The following PALLD variants were observed in gnomAD, a reference collection of about 807,000 sequenced individuals.
The protein encoded by PALLD is palladin.
PALLD carries 61 observed loss-of-function variants against 123.5 expected under a neutral mutation model. The ratio of observed to expected loss-of-function variants is 0.49; its 90% CI spans 0.40 to 0.61. PALLD has a LOEUF of 0.61. Ranked by LOEUF, PALLD falls within the 20% of genes least tolerant of loss-of-function variation. The pLI, the probability that PALLD is intolerant of heterozygous loss-of-function variation, is 0.00. For synonymous variants in PALLD, 465 were observed against 496.4 expected (o/e 0.94, Z 0.84); for missense variants, 1,273 against 1,377.0 (o/e 0.92, Z 1.20).
At chr4:168,861,262 T>C (rs1749416472) in intron 10 of PALLD, among the ~76,000 whole-genome samples, 1 of 137,764 alleles carries the variant, frequency 7.3e-6, no homozygotes, top group Non-Finnish European at 1.5e-5. Flanking sequence ...ATCGAATAAA[T>C]CTATTGAATA....
chr4:168,663,874 C>G (rs1356651101), intron 2 of PALLD, among the ~76,000 whole-genome samples: 1 of 152,126 alleles, frequency 6.6e-6, no homozygotes. Context: ...CAATTTTTAA[C>G]TTTTAAAATT....
At chr4:168,674,294 T>C (rs1780618626) in intron 3 of PALLD, among the ~76,000 whole-genome samples, 1 of 152,080 alleles carries the variant, frequency 6.6e-6, no homozygotes, top group African/African-American at 2.4e-5. Flanking sequence ...TAAACATAGA[T>C]GTCTAGAGCA....
At chr4:168,778,911 G>A (rs1735527146) in intron 10 of PALLD, among the ~76,000 whole-genome samples, 1 of 152,198 alleles carries the variant, frequency 6.6e-6, no homozygotes, top group South Asian at 2.1e-4. Flanking sequence ...TCCTCTTGCT[G>A]TAGCCTTCCA....
chr4:168,916,053 TCCTATTGCC>T, intron 17 of PALLD, 26 bp downstream of exon 17: 1 of 1,605,736 alleles, frequency 6.2e-7, no homozygotes, highest in Non-Finnish European at 8.5e-7. Context: ...TGCTTGCATA[TCCTATTGCC>T]CCACTTCTCC....
At chr4:168,552,127 A>C (rs1317932116) in intron 2 of PALLD, among the ~76,000 whole-genome samples, 1 of 152,146 alleles carries the variant, frequency 6.6e-6, no homozygotes, top group Admixed American at 6.5e-5. Context: ...TGAGTCTCAG[A>C]GATGTTAGTT....
chr4:168,734,039 GA>G (rs1167547911), intron 10 of PALLD, among the ~76,000 whole-genome samples: 1 of 152,170 alleles, frequency 6.6e-6, no homozygotes, highest in Non-Finnish European at 1.5e-5. Flanking sequence ...CCCGGCCACA[GA>G]AATGTTTTAA....
chr4:168,664,473 A>T (rs887896800), intron 2 of PALLD, among the ~76,000 whole-genome samples: 2 of 152,218 alleles, frequency 1.3e-5, no homozygotes, highest in African/African-American at 4.8e-5. Flanking sequence ...GGTGCTTGTA[A>T]ACCACTAGGC....
intron 16 of PALLD, 73 bp from the exon 17 acceptor site, chr4:168,915,822 A>G: frequency 1.7e-6 from 2 of 1,202,092 alleles, no homozygotes. Flanking sequence ...TATTTTAAGA[A>G]AACAGATGAC....
rs188873476 is a variant in PALLD, at chr4:168,774,557, G to C, written c.1964+62634G>C. 7.4e-4 allele frequency among the ~76,000 whole-genome samples: 112 copies of C among 151,936 alleles called. 4 individuals carry two copies. Among genetic ancestry groups the C allele is most frequent in the Admixed American group, 6.5e-3 (99 of 15,246 alleles). On this transcript the variant is annotated intron_variant, in intron 10 of 21. Coordinates refer to ENST00000505667, the MANE Select transcript of PALLD (RefSeq NM_001166108.2). ...AGCCTGGCCAACATGGTGAAACCCT[G>C]TCTCTACCGAAAATACAAAAATTAG... is the stretch of plus-strand genomic sequence containing the variant.
intron 2 of PALLD, among the ~76,000 whole-genome samples, chr4:168,614,160 C>G (rs1460562562): frequency 2.0e-5 from 3 of 152,190 alleles, no homozygotes; most frequent in Non-Finnish European, 2.9e-5. Flanking sequence ...GGATTCCTGC[C>G]TCCTGTCTTT....
intron 10 of PALLD, among the ~76,000 whole-genome samples, chr4:168,850,907 T>G (rs1444549783): frequency 6.6e-6 from 1 of 152,214 alleles, no homozygotes; most frequent in Non-Finnish European, 1.5e-5. Flanking sequence ...TAAGCTCTTT[T>G]TACTGCTGCT....
intron 10 of PALLD, 88 bp from the exon 11 acceptor site, chr4:168,890,834 C>T: frequency 7.6e-7 from 1 of 1,322,282 alleles, no homozygotes; most frequent in East Asian, 2.3e-5. Context: ...ATGCTGATAC[C>T]TTGCACTGTC....
chr4:168,881,959 A>C (rs1752670829), intron 10 of PALLD, among the ~76,000 whole-genome samples: 1 of 152,296 alleles, frequency 6.6e-6, no homozygotes, highest in South Asian at 2.1e-4. Flanking sequence ...CATCCCTGGA[A>C]CCAGACTGGC....
chr4:168,798,754 TA>T (rs1047378315), intron 10 of PALLD, among the ~76,000 whole-genome samples: 5 of 152,206 alleles, frequency 3.3e-5, no homozygotes, highest in Non-Finnish European at 5.9e-5. Flanking sequence ...TTTTTCAAAA[TA>T]TATGTATTTT....
intron 2 of PALLD, among the ~76,000 whole-genome samples, chr4:168,563,042 ATTGT>A (rs1768016827): frequency 6.6e-6 from 1 of 152,122 alleles, no homozygotes; most frequent in African/African-American, 2.4e-5. Context: ...TTCCTGGAAG[ATTGT>A]TTGTGGGGAG....
intron 2 of PALLD, among the ~76,000 whole-genome samples, chr4:168,645,485 C>T (rs921344638): frequency 2.6e-5 from 4 of 152,134 alleles, no homozygotes; most frequent in Admixed American, 2.6e-4. Flanking sequence ...CTCTTTGAAT[C>T]CCTTTAAGTA....
chr4:168,508,363 G>A (rs1018361242), intron 1 of PALLD, among the ~76,000 whole-genome samples: 6 of 152,102 alleles, frequency 3.9e-5, no homozygotes, highest in Admixed American at 3.3e-4. Context: ...AGTTCCATGA[G>A]GGCAAAAACC....
intron 2 of PALLD, among the ~76,000 whole-genome samples, chr4:168,581,804 GT>G (rs150661264): frequency 0.092 from 13,993 of 151,828 alleles, 890 homozygotes; most frequent in South Asian, 0.18. Flanking sequence ...TGTTGCCTAT[GT>G]TTTTTAGGTC....
chr4:168,721,883 A>C (rs564209903), intron 10 of PALLD, among the ~76,000 whole-genome samples: 4 of 152,286 alleles, frequency 2.6e-5, no homozygotes, highest in Non-Finnish European at 5.9e-5. Context: ...TCTTCCTAGG[A>C]ATCCTTCCCC....
Sources: allele counts gnomAD v4.1 joint callset (sites outside exome capture counted in the v4.1 genomes callset), GRCh38; gene constraint gnomAD v4.1.1; transcripts MANE v1.5; gene names NCBI Gene and HGNC (gene_info 2026-07-23, HGNC 2026-07-21).